CALD1: variants seen among roughly 807,000 people sequenced by gnomAD.
CALD1 encodes caldesmon 1, also known as caldesmon.
A neutral mutation model predicts 99.9 loss-of-function variants in CALD1; 33 were observed. The ratio of observed to expected loss-of-function variants is 0.33; its 90% CI spans 0.25 to 0.44. The LOEUF is 0.44. Among genes scored for constraint, CALD1 ranks in the 20% least tolerant of loss-of-function variants. The pLI is 1.00. For missense variants in CALD1, 861 were observed against 962.1 expected (o/e 0.89, Z 1.39); for synonymous variants, 310 against 325.0 (o/e 0.95, Z 0.50).
intron 2 of CALD1, among the ~76,000 whole-genome samples, chr7:134,853,446 G>C (rs1314078046): frequency 6.6e-6 from 1 of 152,084 alleles, no homozygotes; most frequent in Admixed American, 6.5e-5. Flanking sequence ...TTTGGAAAAG[G>C]TGATTACCAC....
At chr7:134,861,719 T>C (rs1355771715) in intron 2 of CALD1, among the ~76,000 whole-genome samples, 2 of 152,176 alleles carry the variant, frequency 1.3e-5, no homozygotes, top group Admixed American at 1.3e-4. Context: ...TGTATAAATG[T>C]TTTTGTGAGG....
chr7:134,746,299 G>A (rs180804177), intron 1 of CALD1, among the ~76,000 whole-genome samples: 3 of 152,338 alleles, frequency 2.0e-5, no homozygotes, highest in Admixed American at 1.3e-4. Flanking sequence ...GACACAGCAA[G>A]AAGGCACTGT....
chr7:134,902,582 A>T (rs1232401033), intron 3 of CALD1, among the ~76,000 whole-genome samples: 2 of 152,182 alleles, frequency 1.3e-5, no homozygotes, highest in East Asian at 3.9e-4. Flanking sequence ...CCCACCTCGG[A>T]GCTACAGGGA....
chr7:134,860,174 T>C (rs572801353), intron 2 of CALD1, among the ~76,000 whole-genome samples: 3 of 152,294 alleles, frequency 2.0e-5, no homozygotes, highest in South Asian at 2.1e-4. Flanking sequence ...GGTAAATGCA[T>C]GTATTTTTTT....
At chr7:134,788,339 A>G (rs1175092548) in intron 1 of CALD1, among the ~76,000 whole-genome samples, 3 of 152,194 alleles carry the variant, frequency 2.0e-5, no homozygotes, top group Non-Finnish European at 4.4e-5. Context: ...TCATATTCAG[A>G]ACTTGAAATT....
chr7:134,924,596 G>A (rs1804852448), intron 3 of CALD1, among the ~76,000 whole-genome samples: 1 of 152,046 alleles, frequency 6.6e-6, no homozygotes, highest in African/African-American at 2.4e-5. Context: ...CCAGCAACTG[G>A]ACATGTTATG....
the CALD1 span, among the ~76,000 whole-genome samples, chr7:134,713,012 A>C: frequency 6.6e-6 from 1 of 152,382 alleles, no homozygotes; most frequent in South Asian, 2.1e-4. Context: ...TCAGATATAT[A>C]TAACCTGGGA....
intron 1 of CALD1, among the ~76,000 whole-genome samples, chr7:134,810,201 T>A (rs1798302675): frequency 6.6e-6 from 1 of 152,220 alleles, no homozygotes; most frequent in African/African-American, 2.4e-5. Flanking sequence ...GGTCCAATCC[T>A]GCATTTTCAG....
rs1192210180 is a variant in CALD1 at position 134,947,620 on chromosome 7, G to A, written c.1645G>A (p.Glu549Lys). 3 of 1,565,990 alleles carry A rather than the reference G, an allele frequency of 1.9e-6. No homozygotes were observed. The highest frequency in any genetic ancestry group is 2.6e-6 in the Non-Finnish European group (3 of 1,154,934). Residue 549 changes from glutamate to lysine, a missense_variant, in exon 8 of 15, where the codon GAA (glutamate) becomes AAA (lysine). Around this residue, in one of 5 missense-constraint regions of CALD1, gnomAD observed 293 missense variants for 262.7 expected, o/e 1.12. Coordinates refer to ENST00000361675, the MANE Select transcript of CALD1 (RefSeq NM_033138.4). Reference sequence around the variant, plus strand: ...TCGTCGTCGCGGGGAGACCGAGAGCGAAGAGTTCGAGAAGCTCAAACAGAA... The same window carrying A: ...TCGTCGTCGCGGGGAGACCGAGAGCAAAGAGTTCGAGAAGCTCAAACAGAA... Reference protein sequence around the residue: ...LRRRRGETESEEFEKLKQKQQ... With the variant: ...LRRRRGETESKEFEKLKQKQQ...
At chr7:134,954,553 G>A (rs573449052) in intron 9 of CALD1, among the ~76,000 whole-genome samples, 5 of 152,252 alleles carry the variant, frequency 3.3e-5, no homozygotes, top group Admixed American at 1.3e-4. Context: ...CAAAATGTGC[G>A]AAATGCAATG....
chr7:134,885,906 T>G (rs1247597349), intron 3 of CALD1, among the ~76,000 whole-genome samples: 1 of 152,052 alleles, frequency 6.6e-6, no homozygotes, highest in Admixed American at 6.6e-5. Context: ...CAGCCACCAT[T>G]CATTCAAGAA....
chr7:134,717,783 A>G, the CALD1 span, among the ~76,000 whole-genome samples: 1 of 152,210 alleles, frequency 6.6e-6, no homozygotes, highest in Non-Finnish European at 1.5e-5. Flanking sequence ...AAGCCCCAGG[A>G]TTTTTTTGTG....
At chr7:134,868,998 G>A (rs1429368859) in intron 3 of CALD1, among the ~76,000 whole-genome samples, 7 of 152,112 alleles carry the variant, frequency 4.6e-5, no homozygotes, top group African/African-American at 1.7e-4. Context: ...TTTCATAAAT[G>A]ATAGTTTTTC....
chr7:134,774,383 G>A (rs1453721523), intron 1 of CALD1, among the ~76,000 whole-genome samples: 1 of 152,132 alleles, frequency 6.6e-6, no homozygotes, highest in African/African-American at 2.4e-5. Flanking sequence ...AGGGTGAGGC[G>A]ATTGGAGATG....
intron 1 of CALD1, among the ~76,000 whole-genome samples, chr7:134,791,156 G>T (rs1236811273): frequency 2.0e-5 from 3 of 149,668 alleles, no homozygotes; most frequent in Non-Finnish European, 3.0e-5. Context: ...TATTCACGGG[G>T]TCACTCTTTG....
In CALD1 at chr7:134,957,942, A is replaced by T; in HGVS notation, c.1936-127A>T. The T allele has an allele frequency of 1.3e-5, 9 of 696,776 alleles. No individual in the cohort carries two copies. In the South Asian group the frequency reaches 1.5e-4, roughly 12 times the overall value. The allele number at this position is 696,776 out of a possible 1,614,324, so 43.2% of individuals were successfully genotyped here. A position where few individuals can be genotyped will look rare whatever the true frequency, so the allele number is the denominator to read the frequency against. ...GCTTTCTAGCAGAGCTACGCACAGT[A>T]ACTCAAATACCCTTATATGCTCTTC... On this transcript the variant is annotated intron_variant, in intron 9 of 14. Transcript: ENST00000361675.
At chr7:134,788,224 T>C (rs1797381455) in intron 1 of CALD1, among the ~76,000 whole-genome samples, 1 of 152,268 alleles carries the variant, frequency 6.6e-6, no homozygotes. Context: ...TTCACTATTA[T>C]CTATTCTCTT....
intron 3 of CALD1, among the ~76,000 whole-genome samples, chr7:134,873,197 A>G (rs1801182099): frequency 8.0e-6 from 1 of 125,750 alleles, no homozygotes; most frequent in Non-Finnish European, 1.7e-5. Flanking sequence ...CAAACAAACA[A>G]ACAAAACAAA....
chr7:134,723,528 A>T, the CALD1 span, among the ~76,000 whole-genome samples: 1 of 146,290 alleles, frequency 6.8e-6, no homozygotes. Flanking sequence ...ACAGTAGAAA[A>T]GGTAACTTTT....
Sources: gnomAD v4.1 joint callset for allele counts (sites outside exome capture counted in the v4.1 genomes callset) on GRCh38, gnomAD v4.1.1 for gene constraint, gnomAD v4.1.1 regional missense constraint, MANE v1.5 for transcripts, NCBI Gene and HGNC (gene_info 2026-07-23, HGNC 2026-07-21) for gene names.